The following NEFH variants were observed in gnomAD, a reference collection of about 807,000 sequenced individuals.
The protein encoded by NEFH is neurofilament heavy polypeptide.
A neutral mutation model predicts 56.6 loss-of-function variants in NEFH; 58 were observed. The ratio of observed to expected loss-of-function variants is 1.03; its 90% CI spans 0.83 to 1.28. The LOEUF is 1.28. NEFH is among the 50% of genes most tolerant of loss of function. The pLI, the probability that NEFH is intolerant of heterozygous loss-of-function variation, is 0.00. For missense variants in NEFH, 1,221 were observed against 1,307.6 expected (o/e 0.93, Z 1.02); for synonymous variants, 542 against 545.8 (o/e 0.99, Z 0.10).
rs889352959 is a variant in NEFH at position 29,480,979 on chromosome 22, C to T, written c.717C>T (p.Gly239=). The T allele has an allele frequency of 7.2e-6, 11 of 1,531,596 alleles. No individual in the cohort carries two copies. The highest frequency in any genetic ancestry group is 8.7e-6 in the Non-Finnish European group (10 of 1,145,552). The allele number at this position is 1,531,596 out of a possible 1,614,324, so 94.9% of individuals were successfully genotyped here. The change falls in exon 1 of 4, where the codon GGC becomes GGT. Residue 239 remains glycine, a synonymous_variant. Coordinates refer to ENST00000310624, the MANE Select transcript of NEFH (RefSeq NM_021076.4). ...GGCGCCACCACCAGGAAGAGGTGGG[C>T]GAGCTGCTCGGCCAGATCCAGGGCT... ...YLRRHHQEEV[G]ELLGQIQGSG... is the part of the protein sequence containing the mutation.
In NEFH at chr22:29,480,516, A is replaced by T. The variant is rs762760105; in HGVS notation, c.254A>T (p.Glu85Val). The T allele has an allele frequency of 2.0e-6, 3 of 1,535,508 alleles. No homozygotes were observed. The highest frequency in any genetic ancestry group is 8.7e-7 in the Non-Finnish European group (1 of 1,147,388). Residue 85 changes from glutamate to valine, a missense_variant, in exon 1 of 4, where the codon GAG becomes GTG. Physicochemically the swap from Glu to Val is moderately radical, Grantham distance 121 (BLOSUM62 -2). Transcript: ENST00000310624. ...CTGGACACGCTGAGCAACGGGCCGGAGGGCTGCATGGTGGCGGTGGCCACC... is the reference window on the plus strand; with the variant it reads ...CTGGACACGCTGAGCAACGGGCCGGTGGGCTGCATGGTGGCGGTGGCCACC... The part of the protein sequence containing the change: ...DSLDTLSNGP[E>V]GCMVAVATSR...
chr22:29,483,416 G>A lies in NEFH; in HGVS notation c.925G>A (p.Asp309Asn). Residue 309 changes from aspartate to asparagine, a missense_variant, in exon 2 of 4, where the codon GAC becomes AAC. Coordinates refer to ENST00000310624, the MANE Select transcript of NEFH (RefSeq NM_021076.4). Reference protein sequence around the residue: ...RLSEAAKVNTDAMRSAQEEIT... With the variant: ...RLSEAAKVNTNAMRSAQEEIT... ...GTCGGAGGCAGCCAAGGTGAACACA[G>A]ACGCTATGCGCTCAGCGCAGGAGGA... 6.2e-6 allele frequency: 10 copies of A among 1,613,886 alleles called. No homozygotes were observed. Among genetic ancestry groups the A allele is most frequent in the Non-Finnish European group, 8.5e-6 (10 of 1,180,030 alleles).
chr22:29,488,778 A>T, intron 3 of NEFH, 71 bp from the exon 4 acceptor site: 1 of 1,397,374 alleles, frequency 7.2e-7, no homozygotes, highest in Non-Finnish European at 1.0e-6. Flanking sequence ...CCTTCAGGAT[A>T]GTCTAGGAAG....
At position 29,483,508 on chromosome 22, in the gene NEFH, G is replaced by T. The variant is rs1306985953; in HGVS notation, c.1017G>T (p.Lys339Asn). ...AGCTGGAGGCACTGAAAAGCACCAA[G>T]GACTCACTGGAGAGGCAGCGCTCTG... ...TTELEALKSTKDSLERQRSEL... is the reference protein window; with the variant it reads ...TTELEALKSTNDSLERQRSEL... Residue 339 changes from lysine to asparagine, a missense_variant, in exon 2 of 4, where the codon AAG becomes AAT. Lys to Asn is a moderately conservative substitution (Grantham distance 94). This residue lies in a region of NEFH where 640 missense variants were observed against 555.5 expected (regional missense o/e 1.15). Coordinates refer to ENST00000310624, the MANE Select transcript of NEFH (RefSeq NM_021076.4). 6.2e-7 allele frequency: 1 copy of T among 1,614,072 alleles called. No individual in the cohort carries two copies. The highest frequency in any genetic ancestry group is 1.7e-5 in the Admixed American group (1 of 60,034).
Position 29,489,642 on chromosome 22 carries a change from T to G in NEFH, c.2002T>G (p.Ser668Ala). ...EEAKSPEKAK[S>A]PVKAEAKSPE... ...GGCCAAGTCCCCTGAGAAGGCCAAG[T>G]CCCCAGTGAAGGCAGAAGCAAAGTC... is the stretch of plus-strand genomic sequence containing the variant. Residue 668 changes from serine (S) to alanine (A), a missense_variant, in exon 4 of 4, where the codon TCC becomes GCC. By Grantham distance (99) the Ser-to-Ala change is moderately conservative. Coordinates refer to ENST00000310624, the MANE Select transcript of NEFH (RefSeq NM_021076.4). The G allele has an allele frequency of 6.4e-7, 1 of 1,558,004 alleles. No homozygotes were observed. The highest frequency in any genetic ancestry group is 8.6e-7 in the Non-Finnish European group (1 of 1,156,574).
At position 29,481,152 on chromosome 22, in the gene NEFH, A is replaced by G. The variant is rs776050286; in HGVS notation, c.883+7A>G. 8.6e-5 allele frequency: 122 copies of G among 1,418,948 alleles called. No homozygotes were observed. The highest frequency in any genetic ancestry group is 3.9e-4 in the South Asian group (29 of 74,018). 87.9% of individuals were successfully genotyped at this position (1,418,948 alleles called of 1,614,324 possible). A position where few individuals can be genotyped will look rare whatever the true frequency, so the allele number is the denominator to read the frequency against. On this transcript the variant is annotated splice_region_variant and intron_variant, in intron 1 of 3. Coordinates refer to ENST00000310624, the MANE Select transcript of NEFH (RefSeq NM_021076.4). ...TCCGAGGAGTGGTTCCGAGGTACGC[A>G]GGCGCGCGGGTGGGGGGAGGGGCGC...
chr22:29,489,443 A>C lies in NEFH; in HGVS notation c.1803A>C (p.Pro601=). 1 of 1,611,696 alleles carries C rather than the reference A, an allele frequency of 6.2e-7. No homozygotes were observed. Among genetic ancestry groups the C allele is most frequent in the African/African-American group, 1.4e-5 (1 of 73,994 alleles). ...AGTCACCGGCTGAGGCCAAGTCTCC[A>C]GAGAAGGCCAAGTCCCCAGTGAAGG... is the stretch of plus-strand genomic sequence containing the variant. ...EAKSPAEAKS[P]EKAKSPVKEE... Residue 601 remains proline, a synonymous_variant, in exon 4 of 4, where the codon CCA becomes CCC. Coordinates refer to ENST00000310624, the MANE Select transcript of NEFH (RefSeq NM_021076.4).
chr22:29,480,775 G>A lies in NEFH; in HGVS notation c.513G>A (p.Gln171=), dbSNP rs1458772029. 3 of 1,437,252 alleles carry A rather than the reference G, an allele frequency of 2.1e-6. No individual in the cohort carries two copies. The highest frequency in any genetic ancestry group is 9.0e-7 in the Non-Finnish European group (1 of 1,106,692). The allele number at this position is 1,437,252 out of a possible 1,614,324, so 89.0% of individuals were successfully genotyped here. Residue 171 remains glutamine (Q), a synonymous_variant, in exon 1 of 4, where the codon CAG becomes CAA. Transcript: ENST00000310624. ...CGCGCGGTCAGCTACGCCTGGAGCA[G>A]GAGCACCTGCTCGAGGACATCGCGC... ...GAARGQLRLE[Q]EHLLEDIAHV...
At chr22:29,488,111 C>A (rs189640792) in intron 3 of NEFH, among the ~76,000 whole-genome samples, 1 of 152,230 alleles carries the variant, frequency 6.6e-6, no homozygotes, top group Non-Finnish European at 1.5e-5. Flanking sequence ...ACCTGTAATC[C>A]CAGCACTTTG....
rs1475056074 is a variant in NEFH at position 29,480,766 on chromosome 22, C to T, written c.504C>T (p.Arg168=). 2 of 1,445,482 alleles carry T rather than the reference C, an allele frequency of 1.4e-6. No homozygotes were observed. The highest frequency in any genetic ancestry group is 1.8e-6 in the Non-Finnish European group (2 of 1,110,910). The allele number at this position is 1,445,482 out of a possible 1,614,324, so 89.5% of individuals were successfully genotyped here. Residue 168 remains arginine, a synonymous_variant, in exon 1 of 4, where the codon CGC becomes CGT. Coordinates refer to ENST00000310624, the MANE Select transcript of NEFH (RefSeq NM_021076.4). ...TGGGCGCGGCGCGCGGTCAGCTACGCCTGGAGCAGGAGCACCTGCTCGAGG... is the reference window on the plus strand; with the variant it reads ...TGGGCGCGGCGCGCGGTCAGCTACGTCTGGAGCAGGAGCACCTGCTCGAGG... ...LRLGAARGQL[R]LEQEHLLEDI...
rs971825469 is a variant in NEFH at position 29,480,509 on chromosome 22, G to C, written c.247G>C (p.Gly83Arg). The C allele has an allele frequency of 5.9e-6, 9 of 1,534,654 alleles. No homozygotes were observed. Among genetic ancestry groups the C allele is most frequent in the African/African-American group, 1.4e-5 (1 of 73,058 alleles). ...STDSLDTLSN[G>R]PEGCMVAVAT... is the part of the protein sequence containing the mutation. ...CGACTCGCTGGACACGCTGAGCAAC[G>C]GGCCGGAGGGCTGCATGGTGGCGGT... The change falls in exon 1 of 4, where the codon GGG (glycine) becomes CGG (arginine). Residue 83 changes from glycine (G) to arginine (R), a missense_variant. Gly to Arg is a moderately radical substitution (Grantham distance 125). Around this residue, in one of 4 missense-constraint regions of NEFH, gnomAD observed 640 missense variants for 555.5 expected, o/e 1.15. Coordinates refer to ENST00000310624, the MANE Select transcript of NEFH (RefSeq NM_021076.4).
rs1272692430 is a variant in NEFH at position 29,490,930 on chromosome 22, T to C, written c.*227T>C. ...GCCCTCCCCAGGCGATGGACAATTATGATAGCTTATGTAGCTGAATGTGAT... is the reference window on the plus strand; with the variant it reads ...GCCCTCCCCAGGCGATGGACAATTACGATAGCTTATGTAGCTGAATGTGAT... On this transcript the variant is annotated 3_prime_UTR_variant, in exon 4 of 4. Transcript: ENST00000310624. 2.7e-6 allele frequency: 2 copies of C among 728,502 alleles called. No homozygotes were observed. The highest frequency in any genetic ancestry group is 4.5e-6 in the Non-Finnish European group (2 of 446,758). 45.1% of individuals were successfully genotyped at this position (728,502 alleles called of 1,614,324 possible). A position where few individuals can be genotyped will look rare whatever the true frequency, so the allele number is the denominator to read the frequency against.
chr22:29,481,270 T>C, intron 1 of NEFH, 125 bp downstream of exon 1: 4 of 931,942 alleles, frequency 4.3e-6, no homozygotes, highest in Non-Finnish European at 6.5e-6. Context: ...ACCTTCCCTC[T>C]GCAAAGTGCA....
rs1478149837 is a variant in NEFH at position 29,485,809 on chromosome 22, T to C, written c.1170T>C (p.Asn390=). The C allele has an allele frequency of 1.9e-6, 3 of 1,614,174 alleles. No individual in the cohort carries two copies. Among genetic ancestry groups the C allele is most frequent in the South Asian group, 1.1e-5 (1 of 91,088 alleles). ...TGCGAGAATACCAGGACCTGCTCAA[T>C]GTCAAGATGGCTCTGGATATAGAGA... is the stretch of plus-strand genomic sequence containing the variant. ...AQLREYQDLL[N]VKMALDIEIA... is the part of the protein sequence containing the mutation. Residue 390 remains asparagine, a synonymous_variant, in exon 3 of 4, where the codon AAT becomes AAC. Transcript: ENST00000310624.
rs1192606749 is a variant in NEFH, at chr22:29,483,561, T to C, written c.1070T>C (p.Ile357Thr). The change falls in exon 2 of 4, where the codon ATT (isoleucine) becomes ACT (threonine). Residue 357 changes from isoleucine (I) to threonine (T), a missense_variant. By Grantham distance (89) the Ile-to-Thr change is moderately conservative. Transcript: ENST00000310624. ...CTGGAGGACCGTCATCAGGCCGACATTGCCTCCTACCAGGTGGGCAGGGGC... is the reference window on the plus strand; with the variant it reads ...CTGGAGGACCGTCATCAGGCCGACACTGCCTCCTACCAGGTGGGCAGGGGC... Reference protein sequence around the residue: ...SELEDRHQADIASYQEAIQQL... With the variant: ...SELEDRHQADTASYQEAIQQL... The C allele has an allele frequency of 1.9e-6, 3 of 1,613,708 alleles. No individual in the cohort carries two copies. Among genetic ancestry groups the C allele is most frequent in the Non-Finnish European group, 2.5e-6 (3 of 1,179,996 alleles).
chr22:29,489,800 G>A lies in NEFH; in HGVS notation c.2160G>A (p.Glu720=). 6.2e-7 allele frequency: 1 copy of A among 1,611,070 alleles called. No individual in the cohort carries two copies. Residue 720 remains glutamate, a synonymous_variant, in exon 4 of 4, where the codon GAG becomes GAA. Coordinates refer to ENST00000310624, the MANE Select transcript of NEFH (RefSeq NM_021076.4). The part of the protein sequence containing the change: ...SPVKEEAKSP[E]KAKSPVKEEA... ...TGAAGGAAGAAGCAAAGTCCCCTGA[G>A]AAGGCCAAGTCCCCAGTGAAGGAAG...
rs2062995134 is a variant in NEFH at position 29,480,302 on chromosome 22, C to T, written c.40C>T (p.Pro14Ser). ...CGGCGCGGACGCGCTGCTGGGCGCC[C>T]CGTTCGCGCCGCTGCATGGCGGCGG... ...FGGADALLGA[P>S]FAPLHGGGSL... The change falls in exon 1 of 4, where the codon CCG becomes TCG. Residue 14 changes from proline (P) to serine (S), a missense_variant. Coordinates refer to ENST00000310624, the MANE Select transcript of NEFH (RefSeq NM_021076.4). 2 of 1,506,730 alleles carry T rather than the reference C, an allele frequency of 1.3e-6. No individual in the cohort carries two copies. Among genetic ancestry groups the T allele is most frequent in the East Asian group, 5.2e-5 (2 of 38,438 alleles). 93.3% of individuals were successfully genotyped at this position (1,506,730 alleles called of 1,614,324 possible). A position where few individuals can be genotyped will look rare whatever the true frequency, so the allele number is the denominator to read the frequency against.
At position 29,480,916 on chromosome 22, in the gene NEFH, G is replaced by C; in HGVS notation, c.654G>C (p.Lys218Asn). ...AGGCGGCGCGCGTGGACCTGCAGAAGAAGGCGCAGGCGCTGCAGGAGGAGT... is the reference window on the plus strand; with the variant it reads ...AGGCGGCGCGCGTGGACCTGCAGAACAAGGCGCAGGCGCTGCAGGAGGAGT... ...EAEAARVDLQKKAQALQEECG... is the reference protein window; with the variant it reads ...EAEAARVDLQNKAQALQEECG... The change falls in exon 1 of 4, where the codon AAG (lysine) becomes AAC (asparagine). Residue 218 changes from lysine to asparagine, a missense_variant. Lys to Asn is a moderately conservative substitution (Grantham distance 94). Coordinates refer to ENST00000310624, the MANE Select transcript of NEFH (RefSeq NM_021076.4). 5 of 1,510,562 alleles carry C rather than the reference G, an allele frequency of 3.3e-6. No individual in the cohort carries two copies. Among genetic ancestry groups the C allele is most frequent in the Non-Finnish European group, 3.5e-6 (4 of 1,137,736 alleles). The allele number at this position is 1,510,562 out of a possible 1,614,324, so 93.6% of individuals were successfully genotyped here.
intron 2 of NEFH, 111 bp downstream of exon 2, chr22:29,483,685 G>A: frequency 1.0e-6 from 1 of 1,003,022 alleles, no homozygotes; most frequent in Non-Finnish European, 1.5e-6. Flanking sequence ...GTGGCCCTTG[G>A]AGTCAGACAT....
Sources: gnomAD v4.1 joint callset for allele counts (sites outside exome capture counted in the v4.1 genomes callset) on GRCh38, gnomAD v4.1.1 for gene constraint, gnomAD v4.1.1 regional missense constraint, MANE v1.5 for transcripts, NCBI Gene and HGNC (gene_info 2026-07-23, HGNC 2026-07-21) for gene names.